CARS1: variants seen among roughly 807,000 people sequenced by gnomAD.
CARS1 encodes cysteinyl-tRNA synthetase 1.
In CARS1, 48 loss-of-function variants were observed where a neutral mutation model predicts 106.2. The observed-to-expected ratio is 0.45, with a 90% CI of 0.36 to 0.57. CARS1 has a LOEUF of 0.57. Among genes scored for constraint, CARS1 ranks in the 20% least tolerant of loss-of-function variants. The pLI is 0.00. For missense variants in CARS1, 968 were observed against 1,057.2 expected, an observed-to-expected ratio of 0.92 and a Z score of 1.17; for synonymous variants, 409 against 403.4, an observed-to-expected ratio of 1.01 and a Z score of -0.17.
At chr11:3,005,505 C>G in intron 19 of CARS1, 72 bp from the exon 20 acceptor site, 5 of 1,128,216 alleles carry the variant, frequency 4.4e-6, no homozygotes, top group Non-Finnish European at 6.7e-6. Flanking sequence ...CAGCCCTGCC[C>G]TGCCCTGCCC....
In CARS1 at chr11:3,030,461, A is replaced by T. The variant is rs1852612291; in HGVS notation, c.802-1018T>A. On this transcript the variant is annotated intron_variant, in intron 7 of 22. Transcript: ENST00000380525. This position sits in a 1 kb window ranked among gnomAD's most constrained non-coding sequence, Gnocchi z 5.7. ...CAGTGGGCAGACAAGCACCAAAAGC[A>T]GGGTGTGCGCTCTGGGGAGCAAAGG... 1 of 152,282 alleles carries T rather than the reference A, an allele frequency of 6.6e-6. No individual in the cohort carries two copies. Among genetic ancestry groups the T allele is most frequent in the Admixed American group, 6.5e-5 (1 of 15,288 alleles). 9.4% of individuals were successfully genotyped at this position (152,282 alleles called of 1,614,324 possible).
In CARS1 at chr11:3,041,135, T is replaced by C. The variant is rs2134259542; in HGVS notation, c.367-151A>G. On this transcript the variant is annotated intron_variant, in intron 3 of 22. Transcript: ENST00000380525. This position sits in a 1 kb window ranked among gnomAD's most constrained non-coding sequence, Gnocchi z 4.9. ...TTTGTTTTACTGTGAAAAGTCACAGTCTCAGTGGGAGCCCAGTGAGATGTA... is the reference window on the plus strand; with the variant it reads ...TTTGTTTTACTGTGAAAAGTCACAGCCTCAGTGGGAGCCCAGTGAGATGTA... 2 of 1,293,148 alleles carry C rather than the reference T, an allele frequency of 1.5e-6. No homozygotes were observed. The highest frequency in any genetic ancestry group is 5.0e-5 in the East Asian group (2 of 39,674). The allele number at this position is 1,293,148 out of a possible 1,614,324, so 80.1% of individuals were successfully genotyped here.
Position 3,039,044 on chromosome 11 carries a change from G to C in CARS1, c.651+150C>G. On this transcript the variant is annotated intron_variant, in intron 6 of 22. Transcript: ENST00000380525. This position sits in a 1 kb window ranked among gnomAD's most constrained non-coding sequence, Gnocchi z 5.6. Reference sequence around the variant, plus strand: ...CAGGCCAGGGGACCTTACCTATGGAGACTTCAGCGCCCCTGACGGAACTGG... The same window carrying C: ...CAGGCCAGGGGACCTTACCTATGGACACTTCAGCGCCCCTGACGGAACTGG... The C allele has an allele frequency of 1.8e-6, 1 of 562,830 alleles. No individual in the cohort carries two copies. The highest frequency in any genetic ancestry group is 3.4e-5 in the Admixed American group (1 of 29,600). The allele number at this position is 562,830 out of a possible 1,614,324, so 34.9% of individuals were successfully genotyped here.
intron 16 of CARS1, among the ~76,000 whole-genome samples, chr11:3,016,576 A>G (rs960275091): frequency 3.3e-5 from 5 of 152,082 alleles, no homozygotes; most frequent in African/African-American, 7.2e-5. Context: ...GAGTCAAAGG[A>G]AAGAAATAGC....
chr11:3,047,854 G>A lies in CARS1; in HGVS notation c.173C>T (p.Pro58Leu). The A allele has an allele frequency of 1.1e-5, 18 of 1,614,074 alleles. No homozygotes were observed. The highest frequency in any genetic ancestry group is 1.5e-5 in the Non-Finnish European group (18 of 1,180,022). Residue 58 changes from proline to leucine, a missense_variant, in exon 2 of 23, where the codon CCC becomes CTC. By Grantham distance (98) the Pro-to-Leu change is moderately conservative. Coordinates refer to ENST00000380525, the MANE Select transcript of CARS1 (RefSeq NM_001014437.3). ...CACGTGGAAGAGCTGGGGGTCAGCG[G>A]GCGGGGCCGAGAGCTGCCTGAACGC... ...VDAFRQLSAPPADPQLFHVAR... is the reference protein window; with the variant it reads ...VDAFRQLSAPLADPQLFHVAR...
Position 3,022,491 on chromosome 11 carries a change from GCTT to G in CARS1, c.1154-2162_1154-2160del, listed in dbSNP as rs1851653914. 6.6e-6 allele frequency among the ~76,000 whole-genome samples: 1 copy of G among 152,226 alleles called. No homozygotes were observed. The highest frequency in any genetic ancestry group is 2.4e-5 in the African/African-American group (1 of 41,532). ...CATTTGTCCACCATACAATTACTAC[GCTT>G]CTTCTACGGCAACCCCTGGTATCCC... On this transcript the variant is annotated intron_variant, in intron 10 of 22. Coordinates refer to ENST00000380525, the MANE Select transcript of CARS1 (RefSeq NM_001014437.3). The surrounding 1 kb of genome is among the most constrained non-coding windows in gnomAD (Gnocchi z 4.9).
At chr11:3,036,094 G>C (rs1182933913) in intron 7 of CARS1, among the ~76,000 whole-genome samples, 3 of 152,240 alleles carry the variant, frequency 2.0e-5, no homozygotes, top group African/African-American at 7.2e-5. Context: ...TTTCACACAT[G>C]TGGCTGCATT....
chr11:3,010,901 AC>A (rs1281051685), intron 18 of CARS1, among the ~76,000 whole-genome samples: 2 of 151,910 alleles, frequency 1.3e-5, no homozygotes, highest in African/African-American at 4.8e-5. Flanking sequence ...CCCCACTGTG[AC>A]CCTCCATAAT....
intron 10 of CARS1, among the ~76,000 whole-genome samples, chr11:3,023,801 T>C (rs1336927682): frequency 6.6e-6 from 1 of 152,258 alleles, no homozygotes; most frequent in Non-Finnish European, 1.5e-5. Flanking sequence ...TTTCTGTTTC[T>C]TTAATCTCTG....
In CARS1 at chr11:3,037,908, G is replaced by A. The variant is rs182838628; in HGVS notation, c.801+142C>T. On this transcript the variant is annotated intron_variant, in intron 7 of 22. Transcript: ENST00000380525. The surrounding 1 kb of genome is among the most constrained non-coding windows in gnomAD (Gnocchi z 5.9). ...GACTCAGCCACCGCAGAACAGGGCC[G>A]CCTGCCACAGTGGAGCTACTGGAGA... is the stretch of plus-strand genomic sequence containing the variant. The A allele has an allele frequency of 1.2e-4, 98 of 811,452 alleles. No homozygotes were observed. The highest frequency in any genetic ancestry group is 7.6e-5 in the Non-Finnish European group (40 of 525,976). The allele number at this position is 811,452 out of a possible 1,614,324, so 50.3% of individuals were successfully genotyped here. A position where few individuals can be genotyped will look rare whatever the true frequency, so the allele number is the denominator to read the frequency against.
At position 3,002,608 on chromosome 11, in the gene CARS1, G is replaced by A. The variant is rs1040309379; in HGVS notation, c.2218-8C>T. 24 of 1,613,890 alleles carry A rather than the reference G, an allele frequency of 1.5e-5. No homozygotes were observed. The highest frequency in any genetic ancestry group is 1.1e-4 in the East Asian group (5 of 44,868). Reference sequence around the variant, plus strand: ...CCTCTTCTCCTCTTCAACCTGGAGGGTCAATACAGAGCCAGATGAGACAGG... The same window carrying A: ...CCTCTTCTCCTCTTCAACCTGGAGGATCAATACAGAGCCAGATGAGACAGG... On this transcript the variant is annotated splice_region_variant and splice_polypyrimidine_tract_variant and intron_variant, in intron 20 of 22. Transcript: ENST00000380525.
In CARS1 at chr11:3,020,180, C is replaced by G. The variant is rs766848742; in HGVS notation, c.1266+40G>C. ...CCTGAGAGTGTGGCTGGCGCCAGTGCCCCTGTCCAAGCCCCACACCTTCTA... is the reference window on the plus strand; with the variant it reads ...CCTGAGAGTGTGGCTGGCGCCAGTGGCCCTGTCCAAGCCCCACACCTTCTA... On this transcript the variant is annotated intron_variant, in intron 11 of 22. Transcript: ENST00000380525. The surrounding 1 kb of genome is among the most constrained non-coding windows in gnomAD (Gnocchi z 4.6). 4.1e-6 allele frequency: 5 copies of G among 1,215,098 alleles called. No homozygotes were observed. The highest frequency in any genetic ancestry group is 6.1e-6 in the Non-Finnish European group (5 of 816,478). 75.3% of individuals were successfully genotyped at this position (1,215,098 alleles called of 1,614,324 possible). A position where few individuals can be genotyped will look rare whatever the true frequency, so the allele number is the denominator to read the frequency against.
chr11:3,031,624 G>C (rs1852771008), intron 7 of CARS1: 1 of 152,240 alleles, frequency 6.6e-6, no homozygotes, highest in Non-Finnish European at 1.5e-5. Context: ...AGATCCATAA[G>C]AGAAGTTAGG....
rs1376823243 is a variant in CARS1, at chr11:3,048,536, A to T, written c.26-535T>A. The T allele has an allele frequency of 6.6e-6, 1 of 152,210 alleles. No homozygotes were observed. The highest frequency in any genetic ancestry group is 1.5e-5 in the Non-Finnish European group (1 of 68,082). The allele number at this position is 152,210 out of a possible 1,614,324, so 9.4% of individuals were successfully genotyped here. A position where few individuals can be genotyped will look rare whatever the true frequency, so the allele number is the denominator to read the frequency against. On this transcript the variant is annotated intron_variant, in intron 1 of 22. Coordinates refer to ENST00000380525, the MANE Select transcript of CARS1 (RefSeq NM_001014437.3). This position sits in a 1 kb window ranked among gnomAD's most constrained non-coding sequence, Gnocchi z 5.1. Reference sequence around the variant, plus strand: ...CAGCTAAGTATGTTACGAGAATTTAACCTCAATTTTTAAAAACTCACAACA... The same window carrying T: ...CAGCTAAGTATGTTACGAGAATTTATCCTCAATTTTTAAAAACTCACAACA...
At chr11:3,011,988 T>C (rs1048764562) in intron 18 of CARS1, among the ~76,000 whole-genome samples, 3 of 152,180 alleles carry the variant, frequency 2.0e-5, no homozygotes, top group African/African-American at 7.2e-5. Context: ...TGCAGGGACA[T>C]GTGGGGCTGT....
In CARS1 at chr11:3,052,011, T is replaced by C. The variant is rs1590575863; in HGVS notation, c.26-4010A>G. 6.6e-6 allele frequency among the ~76,000 whole-genome samples: 1 copy of C among 152,330 alleles called. No homozygotes were observed. The highest frequency in any genetic ancestry group is 1.9e-4 in the East Asian group (1 of 5,192). On this transcript the variant is annotated intron_variant, in intron 1 of 22. Transcript: ENST00000380525. The surrounding 1 kb of genome is among the most constrained non-coding windows in gnomAD (Gnocchi z 4.6). ...ACAGCCCGAACACTGACAGTGACGA[T>C]GGTTGATGAGAGGGGGTGACAGGTG...
In CARS1 at chr11:3,047,879, C is replaced by T. The variant is rs1055164486; in HGVS notation, c.148G>A (p.Ala50Thr). 26 of 1,614,008 alleles carry T rather than the reference C, an allele frequency of 1.6e-5. No homozygotes were observed. The highest frequency in any genetic ancestry group is 1.6e-4 in the Middle Eastern group (1 of 6,084). ...GYSLSQADVDAFRQLSAPPAD... is the reference protein window; with the variant it reads ...GYSLSQADVDTFRQLSAPPAD... ...GGCGGGGCCGAGAGCTGCCTGAACG[C>T]GTCCACGTCTGCCTGGGACAGTGAG... is the stretch of plus-strand genomic sequence containing the variant. Residue 50 changes from alanine (A) to threonine (T), a missense_variant, in exon 2 of 23, where the codon GCG becomes ACG. Transcript: ENST00000380525.
chr11:3,036,253 C>T (rs577817525), intron 7 of CARS1, among the ~76,000 whole-genome samples: 2 of 152,314 alleles, frequency 1.3e-5, no homozygotes, highest in African/African-American at 2.4e-5. Flanking sequence ...GATGATAACT[C>T]GATGCCGAGT....
intron 17 of CARS1, 67 bp downstream of exon 17, chr11:3,015,714 G>T: frequency 7.2e-7 from 1 of 1,390,232 alleles, no homozygotes; most frequent in Non-Finnish European, 1.0e-6. Context: ...GCAGTTCAGA[G>T]GGACACAGAG....
Sources: gnomAD v4.1 joint callset for allele counts (sites outside exome capture counted in the v4.1 genomes callset) on GRCh38, gnomAD v4.1.1 for gene constraint, Gnocchi (gnomAD v3.1) non-coding constraint, MANE v1.5 for transcripts, NCBI Gene and HGNC (gene_info 2026-07-23, HGNC 2026-07-21) for gene names.